The following AFG2A variants were observed in gnomAD, a reference collection of about 807,000 sequenced individuals.
The protein encoded by AFG2A is ATPase family gene 2 protein homolog A.
At chr4:123,004,041 G>T in the AFG2A span, among the ~76,000 whole-genome samples, 1 of 152,132 alleles carries the variant, frequency 6.6e-6, no homozygotes, top group African/African-American at 2.4e-5. Flanking sequence ...CCTCGCTGCC[G>T]CCTTGCAGTT....
chr4:123,090,828 T>A, the AFG2A span: 1 of 1,350,756 alleles, frequency 7.4e-7, no homozygotes, highest in Non-Finnish European at 1.0e-6. Context: ...TTGAAGAATG[T>A]AAAGCAGGTT....
the AFG2A span, chr4:122,979,491 T>C: frequency 1.5e-6 from 2 of 1,305,902 alleles, no homozygotes; most frequent in African/African-American, 3.0e-5. Context: ...TAAAAAAATA[T>C]TTTTCTTAAT....
At chr4:123,058,280 T>C in the AFG2A span, among the ~76,000 whole-genome samples, 2 of 152,176 alleles carry the variant, frequency 1.3e-5, no homozygotes, top group Non-Finnish European at 2.9e-5. Flanking sequence ...TCTTAGGTGG[T>C]GACAGGCAAG....
the AFG2A span, among the ~76,000 whole-genome samples, chr4:123,288,631 T>C: frequency 2.0e-5 from 3 of 152,326 alleles, no homozygotes; most frequent in African/African-American, 7.2e-5. Context: ...TGTTAATATA[T>C]CTCTTCCTCT....
At chr4:123,288,238 G>C in the AFG2A span, among the ~76,000 whole-genome samples, 1 of 152,244 alleles carries the variant, frequency 6.6e-6, no homozygotes, top group South Asian at 2.1e-4. Flanking sequence ...GCTCTTCCAA[G>C]GAGAGTTGCT....
the AFG2A span, among the ~76,000 whole-genome samples, chr4:123,144,470 C>T: frequency 3.9e-5 from 6 of 151,936 alleles, no homozygotes; most frequent in South Asian, 2.1e-4. Flanking sequence ...ATCTGCTATG[C>T]ACTGACCTGG....
the AFG2A span, chr4:122,929,100 G>C: frequency 6.2e-7 from 1 of 1,613,834 alleles, no homozygotes; most frequent in South Asian, 1.1e-5. Context: ...GAGTGAAATG[G>C]CACAGAAAAA....
At chr4:123,042,347 A>G in the AFG2A span, among the ~76,000 whole-genome samples, 1,432 of 152,160 alleles carry the variant, frequency 9.4e-3, 30 homozygotes, top group African/African-American at 0.032. Flanking sequence ...AGAGAGAGAG[A>G]GAGATATCAA....
the AFG2A span, among the ~76,000 whole-genome samples, chr4:123,068,295 A>G: frequency 6.6e-6 from 1 of 152,190 alleles, no homozygotes; most frequent in Non-Finnish European, 1.5e-5. Flanking sequence ...CATTTTCACT[A>G]TGCTTTTCTC....
At chr4:123,157,549 CA>C in the AFG2A span, among the ~76,000 whole-genome samples, 1 of 152,038 alleles carries the variant, frequency 6.6e-6, no homozygotes, top group Admixed American at 6.6e-5. Context: ...AGATCCCTTT[CA>C]AAAAAGTAGT....
At chr4:122,969,512 TA>T in the AFG2A span, among the ~76,000 whole-genome samples, 1 of 152,228 alleles carries the variant, frequency 6.6e-6, no homozygotes, top group Non-Finnish European at 1.5e-5. Context: ...GGGTAAGTGA[TA>T]TTTTTTTAAA....
At chr4:123,042,511 C>A in the AFG2A span, among the ~76,000 whole-genome samples, 2 of 152,118 alleles carry the variant, frequency 1.3e-5, no homozygotes, top group Non-Finnish European at 2.9e-5. Context: ...TGGTCCATAG[C>A]AGCACCATAC....
At chr4:123,317,283 TTTAGAATGATTTGAA>T in the AFG2A span, 1 of 150,612 alleles carries the variant, frequency 6.6e-6, no homozygotes, top group Non-Finnish European at 1.5e-5. Context: ...TGCCCATGGC[TTTAGAATGATTTGAA>T]TTCACACTAC....
chr4:123,282,772 TAAA>T, the AFG2A span, among the ~76,000 whole-genome samples: 156 of 143,458 alleles, frequency 1.1e-3, no homozygotes, highest in Admixed American at 2.3e-3. Context: ...TATTTAAAAT[TAAA>T]AAAAAAAAAA....
chr4:123,220,882 T>C, the AFG2A span, among the ~76,000 whole-genome samples: 334 of 152,282 alleles, frequency 2.2e-3, 2 homozygotes, highest in Middle Eastern at 0.014. Context: ...CACATGTTTT[T>C]ATGAGGTTAA....
At chr4:123,092,791 A>T in the AFG2A span, among the ~76,000 whole-genome samples, 1 of 152,148 alleles carries the variant, frequency 6.6e-6, no homozygotes, top group Non-Finnish European at 1.5e-5. Flanking sequence ...TCCTTACTTG[A>T]TGTCAGCTAG....
the AFG2A span, among the ~76,000 whole-genome samples, chr4:122,930,335 A>G: frequency 6.6e-6 from 1 of 152,244 alleles, no homozygotes; most frequent in South Asian, 2.1e-4. Context: ...GCATCTTTTT[A>G]TACTTTAATG....
chr4:123,249,658 G>A, the AFG2A span, among the ~76,000 whole-genome samples: 3 of 152,244 alleles, frequency 2.0e-5, no homozygotes, highest in East Asian at 3.9e-4. Flanking sequence ...TTTATTGGGT[G>A]CCTTATATGT....
the AFG2A span, among the ~76,000 whole-genome samples, chr4:122,937,477 T>G: frequency 1.3e-5 from 2 of 152,148 alleles, no homozygotes; most frequent in African/African-American, 4.8e-5. Context: ...GTGTTTAATA[T>G]CATAACTACT....
Sources: allele counts gnomAD v4.1 joint callset (sites outside exome capture counted in the v4.1 genomes callset), GRCh38; gene constraint gnomAD v4.1.1; transcripts MANE v1.5; gene names NCBI Gene and HGNC (gene_info 2026-07-23, HGNC 2026-07-21).